Variants in GRIP1 observed in about 807,000 individuals in gnomAD.
The protein encoded by GRIP1 is glutamate receptor-interacting protein 1.
A neutral mutation model predicts 129.9 loss-of-function variants in GRIP1; 45 were observed. That is an observed-to-expected ratio of 0.35 (90% CI 0.27 to 0.44). GRIP1 has a LOEUF of 0.44. Ranked by LOEUF, GRIP1 falls within the 20% of genes least tolerant of loss-of-function variation. The probability of loss-of-function intolerance (pLI) is 1.00; values close to 1 mark genes in which losing one functional copy is unlikely to be tolerated. For synonymous variants in GRIP1, 530 were observed against 520.8 expected, an observed-to-expected ratio of 1.02 and a Z score of -0.24; for missense variants, 1,196 against 1,396.8, an observed-to-expected ratio of 0.86 and a Z score of 2.29.
chr12:66,941,667 A>G (rs1480852099), intron 1 of GRIP1, among the ~76,000 whole-genome samples: 1 of 152,100 alleles, frequency 6.6e-6, no homozygotes, highest in Non-Finnish European at 1.5e-5. Flanking sequence ...CTTCCTTCCC[A>G]TTACATCTTC....
intron 1 of GRIP1, among the ~76,000 whole-genome samples, chr12:67,025,951 T>C (rs929973550): frequency 2.6e-5 from 4 of 152,192 alleles, no homozygotes; most frequent in African/African-American, 7.2e-5. Context: ...TCGGGCTTTT[T>C]TTCTTCTTCT....
intron 1 of GRIP1, among the ~76,000 whole-genome samples, chr12:67,039,131 A>C (rs2043140580): frequency 6.6e-6 from 1 of 152,192 alleles, no homozygotes; most frequent in South Asian, 2.1e-4. Flanking sequence ...AAACTTACTG[A>C]AAACCAGGAG....
At chr12:66,869,000 T>C (rs1383384925) in intron 1 of GRIP1, among the ~76,000 whole-genome samples, 1 of 152,122 alleles carries the variant, frequency 6.6e-6, no homozygotes, top group Non-Finnish European at 1.5e-5. Flanking sequence ...CTTTCATGCA[T>C]GGCTGGCAAG....
At chr12:66,917,925 G>A (rs2041151945) in intron 1 of GRIP1, among the ~76,000 whole-genome samples, 1 of 151,208 alleles carries the variant, frequency 6.6e-6, no homozygotes, top group Admixed American at 6.6e-5. Context: ...TCCAAAGCAA[G>A]AGAACCAATA....
chr12:66,869,594 G>A (rs970599878), intron 1 of GRIP1, among the ~76,000 whole-genome samples: 2 of 152,094 alleles, frequency 1.3e-5, no homozygotes, highest in African/African-American at 4.8e-5. Flanking sequence ...TCAAGGTGAT[G>A]AGCATAAATG....
chr12:66,423,451 C>T (rs543179311), intron 14 of GRIP1, among the ~76,000 whole-genome samples: 28 of 152,338 alleles, frequency 1.8e-4, no homozygotes, highest in African/African-American at 6.5e-4. Flanking sequence ...CCTCTATCCT[C>T]ATTGGGCTGA....
intron 5 of GRIP1, among the ~76,000 whole-genome samples, chr12:66,519,783 C>T (rs1398455501): frequency 6.6e-6 from 1 of 152,186 alleles, no homozygotes; most frequent in Non-Finnish European, 1.5e-5. Context: ...CAAATCTGAA[C>T]ATCAAGCAGC....
At chr12:66,973,893 CA>C (rs2042111971) in intron 1 of GRIP1, among the ~76,000 whole-genome samples, 1 of 149,594 alleles carries the variant, frequency 6.7e-6, no homozygotes, top group South Asian at 2.1e-4. Context: ...CTAGAATACA[CA>C]GTTAGAAGGC....
intron 1 of GRIP1, among the ~76,000 whole-genome samples, chr12:66,935,856 C>T (rs2041475181): frequency 6.6e-6 from 1 of 152,098 alleles, no homozygotes; most frequent in Admixed American, 6.5e-5. Context: ...CTGGGATTGG[C>T]CAACACTCAG....
At chr12:66,620,180 A>G (rs2065207449) in intron 1 of GRIP1, among the ~76,000 whole-genome samples, 1 of 152,202 alleles carries the variant, frequency 6.6e-6, no homozygotes, top group Non-Finnish European at 1.5e-5. Flanking sequence ...CCTGAAGAAT[A>G]TGAATATGTG....
At chr12:67,035,843 T>G (rs1014901235) in intron 1 of GRIP1, among the ~76,000 whole-genome samples, 2 of 152,166 alleles carry the variant, frequency 1.3e-5, no homozygotes, top group Admixed American at 6.5e-5. Flanking sequence ...TGACAAACTA[T>G]CTATTTACGT....
intron 15 of GRIP1, among the ~76,000 whole-genome samples, chr12:66,412,816 C>T (rs917939968): frequency 6.6e-6 from 1 of 152,028 alleles, no homozygotes; most frequent in African/African-American, 2.4e-5. Flanking sequence ...GAAAAACTGA[C>T]AAAAGCAGAG....
At chr12:66,962,513 C>T (rs190675136) in intron 1 of GRIP1, among the ~76,000 whole-genome samples, 199 of 152,186 alleles carry the variant, frequency 1.3e-3, no homozygotes, top group South Asian at 6.2e-3. Flanking sequence ...CGAAAGTGGC[C>T]TCTCTGCAAC....
At chr12:66,680,880 C>G (rs1220197546), upstream of GRIP1, among the ~76,000 whole-genome samples, 2 of 152,166 alleles carry the variant, frequency 1.3e-5, no homozygotes, top group African/African-American at 4.8e-5. Flanking sequence ...CTCTTGCCTT[C>G]TGCTATTTTG....
rs140414516 is a variant in GRIP1, at chr12:66,747,653, G to T, written c.-420+56400C>A. 2.2e-3 allele frequency among the ~76,000 whole-genome samples: 334 copies of T among 152,236 alleles called. 3 individuals are homozygous for T. The highest frequency in any genetic ancestry group is 7.0e-3 in the African/African-American group (291 of 41,550). ...GGGATAAGTCTGTATTCAGATTTGA[G>T]CAAAGGCATATACCCAGCAAGAGCT... On this transcript the variant is annotated intron_variant, in intron 1 of 4. Transcript: ENST00000538373.
At chr12:66,481,610 AG>A (rs2059807658) in intron 7 of GRIP1, among the ~76,000 whole-genome samples, 1 of 152,202 alleles carries the variant, frequency 6.6e-6, no homozygotes, top group African/African-American at 2.4e-5. Flanking sequence ...ATATACCCAA[AG>A]GATTATAAAT....
At position 66,347,681 on chromosome 12, in the gene GRIP1, C is replaced by CTGCT. The variant is rs1451373197; in HGVS notation, c.*1334_*1337dup. The CTGCT allele has an allele frequency of 6.6e-6, 1 of 151,860 alleles. No homozygotes were observed. Among genetic ancestry groups the CTGCT allele is most frequent in the African/African-American group, 2.4e-5 (1 of 41,338 alleles). The allele number at this position is 151,860 out of a possible 1,614,324, so 9.4% of individuals were successfully genotyped here. ...TTTTTTCTTTTTTCTTAACATGATC[C>CTGCT]TGCTTTATACTTTCTTGCCCTGGCG... On this transcript the variant is annotated 3_prime_UTR_variant, in exon 25 of 25. Coordinates refer to ENST00000359742, the MANE Select transcript of GRIP1 (RefSeq NM_001366722.1).
intron 1 of GRIP1, among the ~76,000 whole-genome samples, chr12:66,916,084 T>C (rs1011451799): frequency 6.6e-6 from 1 of 152,224 alleles, no homozygotes; most frequent in Non-Finnish European, 1.5e-5. Context: ...CACAGAATGG[T>C]GCATATTGTG....
At chr12:66,791,981 T>C (rs919984046) in intron 1 of GRIP1, among the ~76,000 whole-genome samples, 10 of 152,064 alleles carry the variant, frequency 6.6e-5, no homozygotes, top group Admixed American at 6.6e-4. Context: ...GGATGACTGG[T>C]AGGGAATTGA....
Sources: allele counts gnomAD v4.1 joint callset (sites outside exome capture counted in the v4.1 genomes callset), GRCh38; gene constraint gnomAD v4.1.1; transcripts MANE v1.5; gene names NCBI Gene and HGNC (gene_info 2026-07-23, HGNC 2026-07-21).